Variants in ARHGAP20 observed in about 807,000 individuals in gnomAD.
ARHGAP20 encodes rho GTPase-activating protein 20.
ARHGAP20 carries 34 observed loss-of-function variants against 73.7 expected under a neutral mutation model. The observed-to-expected ratio is 0.46, with a 90% confidence interval of 0.35 to 0.61. The LOEUF is 0.61. Ranked by LOEUF, ARHGAP20 falls within the 20% of genes least tolerant of loss-of-function variation. ARHGAP20 has a pLI of 0.00. For synonymous variants in ARHGAP20, 523 were observed against 518.2 expected, an observed-to-expected ratio of 1.01 and a Z score of -0.13; for missense variants, 1,314 against 1,420.9, an observed-to-expected ratio of 0.92 and a Z score of 1.21.
chr11:110,681,076 T>C (rs1428286393), intron 2 of ARHGAP20, among the ~76,000 whole-genome samples: 2 of 152,200 alleles, frequency 1.3e-5, no homozygotes, highest in Admixed American at 1.3e-4. Context: ...CCTTGGATCA[T>C]TCACAGATCT....
intron 9 of ARHGAP20, among the ~76,000 whole-genome samples, chr11:110,597,630 A>G (rs1266019960): frequency 6.6e-6 from 1 of 152,190 alleles, no homozygotes; most frequent in Non-Finnish European, 1.5e-5. Flanking sequence ...AATCAAAATA[A>G]AAACTTATTT....
chr11:110,600,058 A>G (rs554752651), intron 9 of ARHGAP20, among the ~76,000 whole-genome samples: 3 of 152,352 alleles, frequency 2.0e-5, no homozygotes, highest in East Asian at 1.9e-4. Context: ...ATATTGCTCA[A>G]TAAAGCTCCT....
intron 2 of ARHGAP20, among the ~76,000 whole-genome samples, chr11:110,683,066 G>A (rs1950066922): frequency 6.6e-6 from 1 of 152,138 alleles, no homozygotes; most frequent in Non-Finnish European, 1.5e-5. Flanking sequence ...GGTGGAGATG[G>A]AGATAGACAA....
At chr11:110,592,287 TG>T (rs1274527306) in intron 9 of ARHGAP20, 132 bp from the exon 10 acceptor site, 2 of 735,522 alleles carry the variant, frequency 2.7e-6, no homozygotes, top group Non-Finnish European at 4.2e-6. Flanking sequence ...CTTTTGTCAT[TG>T]ACAATTCAAC....
At chr11:110,609,834 C>T (rs1230439970) in intron 7 of ARHGAP20, among the ~76,000 whole-genome samples, 1 of 151,968 alleles carries the variant, frequency 6.6e-6, no homozygotes, top group African/African-American at 2.4e-5. Flanking sequence ...ACCATTCCAC[C>T]CCCCATACTC....
At chr11:110,629,263 C>A (rs1948812209) in intron 3 of ARHGAP20, among the ~76,000 whole-genome samples, 1 of 152,102 alleles carries the variant, frequency 6.6e-6, no homozygotes, top group South Asian at 2.1e-4. Context: ...CAAACCCCAG[C>A]CCTGCCATTT....
At chr11:110,690,000 T>C (rs1950211376) in intron 2 of ARHGAP20, among the ~76,000 whole-genome samples, 2 of 151,984 alleles carry the variant, frequency 1.3e-5, no homozygotes, top group Non-Finnish European at 1.5e-5. Flanking sequence ...TCCATTGAAA[T>C]AGCAATTAGC....
At chr11:110,701,723 G>A (rs369690660) in intron 1 of ARHGAP20, among the ~76,000 whole-genome samples, 17 of 152,106 alleles carry the variant, frequency 1.1e-4, no homozygotes, top group Admixed American at 5.9e-4. Flanking sequence ...TAGGTCTAAC[G>A]TTTAAGTCTT....
At chr11:110,672,257 T>C (rs764501343) in intron 2 of ARHGAP20, among the ~76,000 whole-genome samples, 4 of 152,140 alleles carry the variant, frequency 2.6e-5, no homozygotes, top group Non-Finnish European at 4.4e-5. Context: ...ATTATATATA[T>C]TTGACAAAGG....
chr11:110,691,068 A>G, intron 1 of ARHGAP20: 2 of 1,349,144 alleles, frequency 1.5e-6, no homozygotes, highest in Non-Finnish European at 2.0e-6. Flanking sequence ...AAAGGAGAGG[A>G]AAAAACAGTT....
intron 6 of ARHGAP20, among the ~76,000 whole-genome samples, chr11:110,611,789 A>G (rs184407239): frequency 8.9e-4 from 134 of 149,838 alleles, no homozygotes; most frequent in Non-Finnish European, 1.5e-3. Context: ...ATCTCTTTCT[A>G]TTTCTTCCTT....
chr11:110,606,093 T>A (rs1591310682), intron 9 of ARHGAP20, among the ~76,000 whole-genome samples: 1 of 152,220 alleles, frequency 6.6e-6, no homozygotes, highest in Admixed American at 6.5e-5. Context: ...ATTAGATTAG[T>A]AGACTAAGGA....
At position 110,711,917 on chromosome 11, in the gene ARHGAP20, G is replaced by T. The variant is rs374892183; in HGVS notation, c.105+210C>A. 1,039 of 1,257,880 alleles carry T rather than the reference G, an allele frequency of 8.3e-4. 18 individuals are homozygous for T. The East Asian group carries it at 0.031, about 37-fold the overall frequency. 77.9% of individuals were successfully genotyped at this position (1,257,880 alleles called of 1,614,324 possible). A position where few individuals can be genotyped will look rare whatever the true frequency, so the allele number is the denominator to read the frequency against. On this transcript the variant is annotated intron_variant, in intron 1 of 14. Coordinates refer to ENST00000683387, the MANE Select transcript of ARHGAP20 (RefSeq NM_001384657.1). ...AGGAGAGACTAAGGCTCTAGAAACG[G>T]AGAAGCGGGCGCTCTGCGGGAGGCG...
At chr11:110,702,874 G>A (rs1016540181) in intron 1 of ARHGAP20, among the ~76,000 whole-genome samples, 9 of 152,096 alleles carry the variant, frequency 5.9e-5, no homozygotes, top group African/African-American at 9.7e-5. Context: ...ACTGCTCAAC[G>A]AAATAAAAGA....
intron 3 of ARHGAP20, among the ~76,000 whole-genome samples, chr11:110,629,381 TATA>T (rs1468375363): frequency 6.6e-6 from 1 of 152,216 alleles, no homozygotes; most frequent in Non-Finnish European, 1.5e-5. Context: ...ATTCTCCTAT[TATA>T]ATATCTAGCA....
chr11:110,661,910 T>G (rs1403607494), intron 2 of ARHGAP20, among the ~76,000 whole-genome samples: 2 of 152,012 alleles, frequency 1.3e-5, no homozygotes, highest in East Asian at 3.9e-4. Context: ...AGCACAAAGT[T>G]TTTTCACTGC....
At chr11:110,689,175 T>C (rs1047969426) in intron 2 of ARHGAP20, among the ~76,000 whole-genome samples, 1 of 151,890 alleles carries the variant, frequency 6.6e-6, no homozygotes, top group African/African-American at 2.4e-5. Flanking sequence ...ATATTTTGGA[T>C]TTTTTTAAGT....
intron 1 of ARHGAP20, among the ~76,000 whole-genome samples, chr11:110,702,124 C>T (rs1470657346): frequency 6.6e-6 from 1 of 151,994 alleles, no homozygotes; most frequent in Admixed American, 6.6e-5. Flanking sequence ...AACACTGATG[C>T]AAAAATCCTC....
At chr11:110,702,542 T>C (rs1230429438) in intron 1 of ARHGAP20, among the ~76,000 whole-genome samples, 3 of 152,090 alleles carry the variant, frequency 2.0e-5, no homozygotes, top group African/African-American at 7.2e-5. Flanking sequence ...CCAGGGCAAT[T>C]AGGCAGGAGA....
Sources: gnomAD v4.1 joint callset for allele counts (sites outside exome capture counted in the v4.1 genomes callset) on GRCh38, gnomAD v4.1.1 for gene constraint, MANE v1.5 for transcripts, NCBI Gene and HGNC (gene_info 2026-07-23, HGNC 2026-07-21) for gene names.